The following OCA2 variants were observed in gnomAD, a reference collection of about 807,000 sequenced individuals.
The protein encoded by OCA2 is P protein.
Under a neutral mutation model 100.2 loss-of-function variants are expected in OCA2, and 77 were observed. The ratio of observed to expected loss-of-function variants is 0.77; its 90% CI spans 0.64 to 0.93. The LOEUF (loss-of-function observed/expected upper bound fraction) is 0.93. OCA2 is among the 40% of genes least tolerant of loss of function. The pLI, the probability that OCA2 is intolerant of heterozygous loss-of-function variation, is 0.00. For missense variants in OCA2, 1,062 were observed against 1,089.1 expected (o/e 0.98, Z 0.35); for synonymous variants, 432 against 439.2 (o/e 0.98, Z 0.21).
chr15:27,899,790 G>C (rs1388542832), intron 19 of OCA2, among the ~76,000 whole-genome samples: 1 of 152,302 alleles, frequency 6.6e-6, no homozygotes, highest in Non-Finnish European at 1.5e-5. Context: ...ACAGCATGCA[G>C]TATGTGCTTA....
chr15:27,736,304 G>A, the OCA2 span, among the ~76,000 whole-genome samples: 1 of 142,760 alleles, frequency 7.0e-6, no homozygotes, highest in Non-Finnish European at 1.6e-5. Context: ...TATAAAAGTT[G>A]GACAAAATAT....
chr15:27,839,834 T>A (rs147124743), intron 23 of OCA2, among the ~76,000 whole-genome samples: 1 of 152,116 alleles, frequency 6.6e-6, no homozygotes, highest in Non-Finnish European at 1.5e-5. Context: ...GTTTATACAA[T>A]AACAACAGAG....
chr15:27,758,493 C>G (rs888773124), intron 23 of OCA2, among the ~76,000 whole-genome samples: 4 of 152,148 alleles, frequency 2.6e-5, no homozygotes, highest in African/African-American at 9.7e-5. Context: ...ATGAGAAAAG[C>G]CAATCAACAG....
At chr15:27,866,326 A>G (rs1343285298) in intron 21 of OCA2, among the ~76,000 whole-genome samples, 1 of 152,198 alleles carries the variant, frequency 6.6e-6, no homozygotes, top group East Asian at 1.9e-4. Context: ...ACATCACTGA[A>G]GATGAGGGTG....
Position 28,022,612 on chromosome 15 carries a change from A to G in OCA2, c.574-39T>C, listed in dbSNP as rs41534647. 17,890 of 1,439,114 alleles carry G rather than the reference A, an allele frequency of 0.012. 347 individuals carry two copies. Among genetic ancestry groups the G allele is most frequent in the African/African-American group, 0.087 (6,273 of 71,798 alleles). 89.1% of individuals were successfully genotyped at this position (1,439,114 alleles called of 1,614,324 possible). ...AAACGTTGAATGACAGAGGTGTGGT[A>G]TGAGAGCAGTAAGGTATAAATCATT... On this transcript the variant is annotated intron_variant, in intron 5 of 23. Coordinates refer to ENST00000354638, the MANE Select transcript of OCA2 (RefSeq NM_000275.3).
rs2151352412 is a variant in OCA2, at chr15:27,839,125, T to C, written c.2432+5834A>G. ...TATCAGTGGTCATTTAGGCAAGAGGTAGAAGTCAAAGGTTATCATTAAAGA... is the reference window on the plus strand; with the variant it reads ...TATCAGTGGTCATTTAGGCAAGAGGCAGAAGTCAAAGGTTATCATTAAAGA... On this transcript the variant is annotated intron_variant, in intron 23 of 23. Coordinates refer to ENST00000354638, the MANE Select transcript of OCA2 (RefSeq NM_000275.3). 1.3e-5 allele frequency among the ~76,000 whole-genome samples: 2 copies of C among 152,036 alleles called. 1 individual carries two copies.
At chr15:28,061,498 T>C (rs975844171) in intron 2 of OCA2, among the ~76,000 whole-genome samples, 1 of 152,096 alleles carries the variant, frequency 6.6e-6, no homozygotes, top group African/African-American at 2.4e-5. Context: ...GACAAAAATA[T>C]ACACATGCAA....
intron 8 of OCA2, 85 bp downstream of exon 8, chr15:28,016,019 G>T: frequency 1.9e-6 from 2 of 1,061,920 alleles, no homozygotes; most frequent in Non-Finnish European, 2.9e-6. Flanking sequence ...TGTGTGGGCC[G>T]AAATCAGTGT....
rs1800405 is a variant in OCA2 at position 27,990,579 on chromosome 15, G to A, written c.1113C>T (p.Gly371=). The stretch of plus-strand genomic sequence containing the variant: ...GATTGGGACTGTGACAACTTACATC[G>A]CCAATCACAGCCAGTGCTGCCAGTG... ...LAALAALAVI[G]DRPSLTHVVE... The change falls in exon 10 of 24, where the codon GGC becomes GGT. Residue 371 remains glycine, a synonymous_variant. Coordinates refer to ENST00000354638, the MANE Select transcript of OCA2 (RefSeq NM_000275.3). 22,663 of 1,613,562 alleles carry A rather than the reference G, an allele frequency of 0.014. 479 individuals carry two copies. Among genetic ancestry groups the A allele is most frequent in the Admixed American group, 0.098 (5,905 of 60,008 alleles).
At chr15:27,774,224 G>C (rs2032056239) in intron 23 of OCA2, among the ~76,000 whole-genome samples, 1 of 152,162 alleles carries the variant, frequency 6.6e-6, no homozygotes, top group African/African-American at 2.4e-5. Context: ...CCCACTGTGG[G>C]GGGCCAGTGA....
At chr15:27,955,879 A>T (rs2040207276) in intron 16 of OCA2, among the ~76,000 whole-genome samples, 1 of 152,070 alleles carries the variant, frequency 6.6e-6, no homozygotes, top group African/African-American at 2.4e-5. Flanking sequence ...TTTCTGACTC[A>T]GCCCACCCCT....
intron 23 of OCA2, among the ~76,000 whole-genome samples, chr15:27,790,203 T>G (rs572109484): frequency 1.9e-4 from 29 of 152,268 alleles, no homozygotes; most frequent in African/African-American, 6.7e-4. Context: ...AAAATCACAA[T>G]GAGATACCAC....
chr15:27,862,994 C>T (rs535199685), intron 21 of OCA2, among the ~76,000 whole-genome samples: 1 of 152,342 alleles, frequency 6.6e-6, no homozygotes, highest in African/African-American at 2.4e-5. Flanking sequence ...GTCCTCACTG[C>T]TTGACCTCTG....
At chr15:27,733,174 C>G in the OCA2 span, among the ~76,000 whole-genome samples, 5 of 152,170 alleles carry the variant, frequency 3.3e-5, no homozygotes, top group Non-Finnish European at 1.5e-5. Flanking sequence ...TCTAGACTTT[C>G]AAGAGACATG....
rs763519976 is a variant in OCA2 at position 28,027,862 on chromosome 15, T to C, written c.515+9A>G. On this transcript the variant is annotated intron_variant, in intron 4 of 23. Transcript: ENST00000354638. ...CTGCTGCCAGGGTGGGCACCCCAAG[T>C]CCGCCTACCTCAGCTTGGAAAGACG... The C allele has an allele frequency of 7.4e-6, 12 of 1,611,928 alleles. No individual in the cohort carries two copies. The highest frequency in any genetic ancestry group is 1.0e-5 in the Non-Finnish European group (12 of 1,179,994).
At chr15:27,739,649 T>C in the OCA2 span, among the ~76,000 whole-genome samples, 1 of 152,014 alleles carries the variant, frequency 6.6e-6, no homozygotes, top group African/African-American at 2.4e-5. Flanking sequence ...TTTCACCACA[T>C]TGGCCAGGCA....
rs554412338 is a variant in OCA2 at position 28,095,328 on chromosome 15, G to A, written c.-22+3896C>T. Among the ~76,000 whole-genome samples the A allele has an allele frequency of 5.4e-4, 82 of 152,266 alleles. 1 individual carries two copies. Among genetic ancestry groups the A allele is most frequent in the African/African-American group, 1.9e-3 (78 of 41,580 alleles). ...CGGGGGACCGCGGCCCTCCCACCCC[G>A]CCCCTGTGAAACGACAGCCGGCAGC... On this transcript the variant is annotated intron_variant, in intron 1 of 23. Transcript: ENST00000354638.
At chr15:27,964,932 T>C (rs1409893941) in intron 15 of OCA2, among the ~76,000 whole-genome samples, 1 of 152,222 alleles carries the variant, frequency 6.6e-6, no homozygotes, top group Non-Finnish European at 1.5e-5. Flanking sequence ...CTCTGTTCCT[T>C]ACTCAGGAAC....
At position 27,789,855 on chromosome 15, in the gene OCA2, T is replaced by A. The variant is rs534971076; in HGVS notation, c.2433-34383A>T. Among the ~76,000 whole-genome samples the A allele has an allele frequency of 7.2e-5, 11 of 152,292 alleles. No individual in the cohort carries two copies. In the South Asian group the frequency reaches 2.3e-3, roughly 32 times the overall value. On this transcript the variant is annotated intron_variant, in intron 23 of 23. Transcript: ENST00000354638. ...AGGTAAAAGTAAAACTTAGAAAATC[T>A]AAGAGAAAATCTTTGTGATCTTGTG...
Sources: allele counts gnomAD v4.1 joint callset (sites outside exome capture counted in the v4.1 genomes callset), GRCh38; gene constraint gnomAD v4.1.1; transcripts MANE v1.5; gene names NCBI Gene and HGNC (gene_info 2026-07-23, HGNC 2026-07-21).